XRCC4: variants seen among roughly 807,000 people sequenced by gnomAD.
XRCC4 encodes X-ray repair cross complementing 4, also known as DNA repair protein XRCC4.
Under a neutral mutation model 39.1 loss-of-function variants are expected in XRCC4, and 28 were observed. The observed-to-expected ratio is 0.72, with a 90% CI of 0.53 to 0.98. The LOEUF (loss-of-function observed/expected upper bound fraction) is 0.98, where lower values mean the gene tolerates loss of function less well. Ranked by LOEUF, XRCC4 falls within the 50% of genes least tolerant of loss-of-function variation. The probability of loss-of-function intolerance (pLI) is 0.00; values close to 1 mark genes in which losing one functional copy is unlikely to be tolerated. For synonymous variants in XRCC4, 123 were observed against 126.4 expected, an observed-to-expected ratio of 0.97 and a Z score of 0.18; for missense variants, 350 against 376.4, an observed-to-expected ratio of 0.93 and a Z score of 0.58.
At chr5:83,163,304 T>C (rs1749308659) in intron 3 of XRCC4, among the ~76,000 whole-genome samples, 1 of 152,194 alleles carries the variant, frequency 6.6e-6, no homozygotes, top group African/African-American at 2.4e-5. Flanking sequence ...CTGCAAAAAA[T>C]ATAATTCTGA....
At chr5:83,127,197 G>C (rs1358196307) in intron 3 of XRCC4, among the ~76,000 whole-genome samples, 3 of 152,108 alleles carry the variant, frequency 2.0e-5, no homozygotes, top group African/African-American at 7.2e-5. Context: ...TGGGGGGCTA[G>C]GGGTGGAATA....
intron 3 of XRCC4, among the ~76,000 whole-genome samples, chr5:83,133,475 C>T (rs1747711726): frequency 6.6e-6 from 1 of 152,222 alleles, no homozygotes; most frequent in East Asian, 1.9e-4. Context: ...TAGCTAGGCC[C>T]TGCCCCCAAA....
intron 4 of XRCC4, among the ~76,000 whole-genome samples, chr5:83,202,462 T>G (rs978736552): frequency 6.6e-6 from 1 of 152,184 alleles, no homozygotes; most frequent in African/African-American, 2.4e-5. Flanking sequence ...TATGATACGT[T>G]CTAATTCTTT....
chr5:83,190,041 G>C (rs1173788082), intron 3 of XRCC4, among the ~76,000 whole-genome samples: 1 of 152,070 alleles, frequency 6.6e-6, no homozygotes, highest in Non-Finnish European at 1.5e-5. Context: ...TCCAGCCTGC[G>C]TGACAGAGCG....
chr5:83,227,891 G>T (rs1752350735), intron 6 of XRCC4, among the ~76,000 whole-genome samples: 1 of 152,034 alleles, frequency 6.6e-6, no homozygotes, highest in South Asian at 2.1e-4. Context: ...TCCCACTTGT[G>T]ATAATCCTGA....
intron 3 of XRCC4, among the ~76,000 whole-genome samples, chr5:83,149,377 T>G (rs1210031288): frequency 1.3e-5 from 2 of 152,040 alleles, no homozygotes; most frequent in Admixed American, 6.5e-5. Flanking sequence ...TTTTTTGAGA[T>G]ACAGGATATA....
In XRCC4 at chr5:83,191,646, G is replaced by A. The variant is rs149803651; in HGVS notation, c.316-4124G>A. ...ACCCAGGAGGCAGAGGTTGCAGTGA[G>A]CCGAGATCATGCCACTGTACTCTAG... On this transcript the variant is annotated intron_variant, in intron 3 of 7. Coordinates refer to ENST00000396027, the MANE Select transcript of XRCC4 (RefSeq NM_003401.5). Among the ~76,000 whole-genome samples, 53 of 152,264 alleles carry A rather than the reference G, an allele frequency of 3.5e-4. 1 individual carries two copies. In the East Asian group the frequency reaches 9.8e-3, roughly 28 times the overall value.
chr5:83,114,676 C>G (rs1746623544), intron 3 of XRCC4, among the ~76,000 whole-genome samples: 1 of 152,194 alleles, frequency 6.6e-6, no homozygotes, highest in East Asian at 1.9e-4. Context: ...CCTCAAGTCT[C>G]TAGGAAGTTC....
At chr5:83,195,694 A>G in intron 3 of XRCC4, 76 bp from the exon 4 acceptor site, 4 of 1,313,042 alleles carry the variant, frequency 3.0e-6, no homozygotes, top group Non-Finnish European at 4.1e-6. Flanking sequence ...TCTCAGAAGA[A>G]ATTGTGTATG....
intron 7 of XRCC4, among the ~76,000 whole-genome samples, chr5:83,301,274 T>C (rs1755275022): frequency 6.6e-6 from 1 of 152,150 alleles, no homozygotes; most frequent in African/African-American, 2.4e-5. Context: ...TCACCATTCT[T>C]ACTGGCGTGA....
chr5:83,132,674 G>A (rs1477969314), intron 3 of XRCC4, among the ~76,000 whole-genome samples: 1 of 151,720 alleles, frequency 6.6e-6, no homozygotes, highest in East Asian at 1.9e-4. Flanking sequence ...TGATTGAATC[G>A]GCCACTGAAG....
intron 3 of XRCC4, among the ~76,000 whole-genome samples, chr5:83,148,805 GATAATA>G (rs910143628): frequency 6.6e-6 from 1 of 150,602 alleles, no homozygotes; most frequent in Non-Finnish European, 1.5e-5. Flanking sequence ...CATCAATAAT[GATAATA>G]ATAATAATAA....
chr5:83,210,266 T>G (rs1445811903), intron 6 of XRCC4, among the ~76,000 whole-genome samples: 2 of 152,198 alleles, frequency 1.3e-5, no homozygotes, highest in Non-Finnish European at 2.9e-5. Context: ...AGCTTGTTTA[T>G]CATAGACACA....
intron 3 of XRCC4, among the ~76,000 whole-genome samples, chr5:83,175,089 A>G (rs1749893927): frequency 6.6e-6 from 1 of 152,202 alleles, no homozygotes; most frequent in African/African-American, 2.4e-5. Flanking sequence ...CTTATTGAGT[A>G]CACCTCATAT....
intron 3 of XRCC4, among the ~76,000 whole-genome samples, chr5:83,126,998 G>A (rs77816761): frequency 0.015 from 2,218 of 152,170 alleles, 64 homozygotes; most frequent in African/African-American, 0.051. Context: ...GTTTTAGAGC[G>A]ACAAAACTTA....
At chr5:83,358,809 T>A in the XRCC4 span, among the ~76,000 whole-genome samples, 4 of 152,184 alleles carry the variant, frequency 2.6e-5, no homozygotes, top group South Asian at 8.3e-4. Flanking sequence ...AATCTGTCTT[T>A]CCTTGCATTC....
At chr5:83,346,132 T>C (rs1452236649) in intron 7 of XRCC4, among the ~76,000 whole-genome samples, 7 of 152,196 alleles carry the variant, frequency 4.6e-5, no homozygotes, top group Admixed American at 3.9e-4. Flanking sequence ...AGCCTGTAAC[T>C]TTAGTTTCTT....
chr5:83,116,841 C>T (rs911487617), intron 3 of XRCC4, among the ~76,000 whole-genome samples: 9 of 152,064 alleles, frequency 5.9e-5, no homozygotes, highest in South Asian at 4.2e-4. Context: ...AGGCTGGTCT[C>T]GAACTCCTGA....
At chr5:83,142,216 T>C (rs1748212319) in intron 3 of XRCC4, among the ~76,000 whole-genome samples, 1 of 152,204 alleles carries the variant, frequency 6.6e-6, no homozygotes, top group African/African-American at 2.4e-5. Context: ...CACTGTGTGC[T>C]GTACGTGATA....
Sources: allele counts gnomAD v4.1 joint callset (sites outside exome capture counted in the v4.1 genomes callset), GRCh38; gene constraint gnomAD v4.1.1; transcripts MANE v1.5; gene names NCBI Gene and HGNC (gene_info 2026-07-23, HGNC 2026-07-21).